Variants in KCNH1 observed in about 807,000 individuals in gnomAD.
KCNH1 encodes voltage-gated delayed rectifier potassium channel KCNH1.
In KCNH1, 27 loss-of-function variants were observed where a neutral mutation model predicts 69.2. The observed-to-expected ratio is 0.39, with a 90% CI of 0.29 to 0.54. The LOEUF (loss-of-function observed/expected upper bound fraction) is 0.54, where lower values mean the gene tolerates loss of function less well. KCNH1 is among the 20% of genes least tolerant of loss of function. The pLI, the probability that KCNH1 is intolerant of heterozygous loss-of-function variation, is 0.68. For synonymous variants in KCNH1, 456 were observed against 487.7 expected, an observed-to-expected ratio of 0.93 and a Z score of 0.86; for missense variants, 798 against 1,261.6, an observed-to-expected ratio of 0.63 and a Z score of 5.57.
intron 10 of KCNH1, among the ~76,000 whole-genome samples, chr1:210,693,768 C>A (rs886583791): frequency 6.6e-6 from 1 of 152,166 alleles, no homozygotes; most frequent in Admixed American, 6.5e-5. Context: ...TTTTGACAGA[C>A]CAACTTCGAC....
chr1:210,848,352 C>T (rs895816569), intron 7 of KCNH1, among the ~76,000 whole-genome samples: 1 of 152,186 alleles, frequency 6.6e-6, no homozygotes, highest in Non-Finnish European at 1.5e-5. Context: ...GGTCACATGG[C>T]TACTTTCCTT....
chr1:210,785,895 A>G (rs146720757), intron 9 of KCNH1, among the ~76,000 whole-genome samples: 1 of 152,196 alleles, frequency 6.6e-6, no homozygotes, highest in Non-Finnish European at 1.5e-5. Flanking sequence ...TGTGCTGGTC[A>G]TCATCACAAG....
chr1:210,965,882 A>G (rs918374787), intron 6 of KCNH1, among the ~76,000 whole-genome samples: 20 of 152,142 alleles, frequency 1.3e-4, no homozygotes, highest in African/African-American at 4.6e-4. Flanking sequence ...GAAAAAAACT[A>G]CTTTAAATTT....
chr1:211,070,418 TA>T (rs759773298), intron 5 of KCNH1, among the ~76,000 whole-genome samples: 21 of 112,618 alleles, frequency 1.9e-4, no homozygotes, highest in East Asian at 1.7e-3. Context: ...ACTCCACCTT[TA>T]AAAAAAAAAA....
chr1:211,034,608 G>C (rs774037265), intron 5 of KCNH1, among the ~76,000 whole-genome samples: 6 of 152,056 alleles, frequency 3.9e-5, no homozygotes, highest in African/African-American at 1.4e-4. Flanking sequence ...CACTTACATC[G>C]TTTCTTACAA....
Position 210,775,359 on chromosome 1 carries a change from AGTTGTAC to A in KCNH1, c.2094_2100del (p.Tyr699Ter). ...AACTTTTAGCTCACCCTCTTCCTCAAGTTGTACGTCAGAATCAGGTTCCGGGAGAAGG... is the reference window on the plus strand; with the variant it reads ...AACTTTTAGCTCACCCTCTTCCTCAAGTCAGAATCAGGTTCCGGGAGAAGG... On this transcript the variant is annotated frameshift_variant, in exon 10 of 11. Coordinates refer to ENST00000271751, the MANE Select transcript of KCNH1 (RefSeq NM_172362.3). LOFTEE classifies it low-confidence loss of function (END_TRUNC). 1 of 1,614,000 alleles carries A rather than the reference AGTTGTAC, an allele frequency of 6.2e-7. No individual in the cohort carries two copies. The highest frequency in any genetic ancestry group is 8.5e-7 in the Non-Finnish European group (1 of 1,179,918).
At chr1:211,072,237 C>T (rs1439025023) in intron 5 of KCNH1, among the ~76,000 whole-genome samples, 2 of 152,186 alleles carry the variant, frequency 1.3e-5, no homozygotes, top group Non-Finnish European at 2.9e-5. Flanking sequence ...GATCATGCTA[C>T]TGCACTCCAG....
At chr1:210,715,039 G>A (rs1458791118) in intron 10 of KCNH1, among the ~76,000 whole-genome samples, 1 of 152,182 alleles carries the variant, frequency 6.6e-6, no homozygotes, top group Non-Finnish European at 1.5e-5. Flanking sequence ...CATGCAGCCA[G>A]GCCTGCAGAG....
At chr1:210,907,334 A>G (rs1438231279) in intron 7 of KCNH1, among the ~76,000 whole-genome samples, 1 of 152,158 alleles carries the variant, frequency 6.6e-6, no homozygotes, top group East Asian at 1.9e-4. Flanking sequence ...GTTTGGTCCA[A>G]AAAGCCAATT....
chr1:211,022,956 A>G (rs1689613684), intron 5 of KCNH1, among the ~76,000 whole-genome samples: 1 of 151,658 alleles, frequency 6.6e-6, no homozygotes, highest in South Asian at 2.1e-4. Flanking sequence ...TACTAAAAAT[A>G]CAAAATTAGC....
chr1:211,113,116 T>C (rs955717215), intron 1 of KCNH1, among the ~76,000 whole-genome samples: 5 of 152,210 alleles, frequency 3.3e-5, no homozygotes, highest in African/African-American at 1.2e-4. Context: ...CATGAATCTT[T>C]GTGAAGAATT....
At chr1:211,037,312 G>A (rs1045953494) in intron 5 of KCNH1, among the ~76,000 whole-genome samples, 2 of 152,034 alleles carry the variant, frequency 1.3e-5, no homozygotes, top group Non-Finnish European at 2.9e-5. Context: ...TCTGCACAGC[G>A]TGAAATATTT....
intron 10 of KCNH1, among the ~76,000 whole-genome samples, chr1:210,762,150 C>T (rs762594184): frequency 2.6e-5 from 4 of 151,632 alleles, no homozygotes; most frequent in Non-Finnish European, 4.4e-5. Flanking sequence ...AAAATTAAGG[C>T]AGAAATTAAA....
intron 1 of KCNH1, among the ~76,000 whole-genome samples, chr1:211,118,509 T>C (rs1036525754): frequency 6.6e-6 from 1 of 152,148 alleles, no homozygotes; most frequent in Non-Finnish European, 1.5e-5. Flanking sequence ...CCCCTAAGGG[T>C]CTATAGCTGC....
chr1:210,689,671 AAG>A (rs1219880686), intron 10 of KCNH1, among the ~76,000 whole-genome samples: 3 of 152,208 alleles, frequency 2.0e-5, no homozygotes, highest in Admixed American at 6.5e-5. Flanking sequence ...CAGCAGTAGA[AAG>A]AGCACTGGCT....
intron 7 of KCNH1, among the ~76,000 whole-genome samples, chr1:210,876,780 C>T (rs1212432270): frequency 6.6e-6 from 1 of 152,076 alleles, no homozygotes; most frequent in Non-Finnish European, 1.5e-5. Context: ...CTGTATGGGG[C>T]AGTGAAGGAC....
intron 10 of KCNH1, among the ~76,000 whole-genome samples, chr1:210,771,715 C>T (rs1346877811): frequency 6.6e-6 from 1 of 152,214 alleles, no homozygotes; most frequent in East Asian, 1.9e-4. Flanking sequence ...TTAATGCTTG[C>T]AACTATCCTA....
intron 9 of KCNH1, among the ~76,000 whole-genome samples, chr1:210,796,619 T>C (rs1684320027): frequency 6.6e-6 from 1 of 152,158 alleles, no homozygotes; most frequent in Non-Finnish European, 1.5e-5. Flanking sequence ...TTCCCTGTTA[T>C]CCATGTGAGA....
At chr1:211,122,287 T>C (rs570557126) in intron 1 of KCNH1, among the ~76,000 whole-genome samples, 3 of 152,314 alleles carry the variant, frequency 2.0e-5, no homozygotes, top group South Asian at 2.1e-4. Flanking sequence ...CACTATCTCA[T>C]ACCAGTCAGA....
Sources: allele counts gnomAD v4.1 joint callset (sites outside exome capture counted in the v4.1 genomes callset), GRCh38; gene constraint gnomAD v4.1.1; transcripts MANE v1.5; gene names NCBI Gene and HGNC (gene_info 2026-07-23, HGNC 2026-07-21).